Variants in SEMA3A observed in about 807,000 individuals in gnomAD.
SEMA3A encodes semaphorin-3A.
SEMA3A carries 29 observed loss-of-function variants against 97.9 expected under a neutral mutation model. That is an observed-to-expected ratio of 0.30 (90% CI 0.22 to 0.40). The LOEUF (loss-of-function observed/expected upper bound fraction) is 0.40. Ranked by LOEUF, SEMA3A falls within the 10% of genes least tolerant of loss-of-function variation. The pLI, the probability that SEMA3A is intolerant of heterozygous loss-of-function variation, is 1.00. For synonymous variants in SEMA3A, 321 were observed against 323.7 expected (o/e 0.99, Z 0.09); for missense variants, 763 against 951.3 (o/e 0.80, Z 2.60).
At chr7:84,194,349 A>G in intron 1 of SEMA3A, 126 bp downstream of exon 1, 1 of 652,934 alleles carries the variant, frequency 1.5e-6, no homozygotes, top group Admixed American at 2.6e-5. Flanking sequence ...AAAGATACAC[A>G]TAATCACGTC....
intron 3 of SEMA3A, among the ~76,000 whole-genome samples, chr7:84,229,668 A>C (rs974358815): frequency 1.2e-4 from 19 of 152,186 alleles, no homozygotes; most frequent in African/African-American, 4.6e-4. Flanking sequence ...CAAAATAATA[A>C]AATTTAATTT....
intron 1 of SEMA3A, among the ~76,000 whole-genome samples, chr7:84,172,114 C>T (rs978913689): frequency 3.3e-5 from 5 of 152,172 alleles, no homozygotes; most frequent in East Asian, 3.9e-4. Flanking sequence ...TGTTTTTAGT[C>T]ATTAGTATTA....
At chr7:84,004,047 G>GTAGTT (rs1208138830) in intron 11 of SEMA3A, among the ~76,000 whole-genome samples, 2 of 145,398 alleles carry the variant, frequency 1.4e-5, no homozygotes, top group Admixed American at 1.4e-4. Flanking sequence ...CCATTCTCCT[G>GTAGTT]TAGTTAATGC....
chr7:84,060,667 G>T, intron 4 of SEMA3A, 109 bp from the exon 5 acceptor site: 1 of 646,238 alleles, frequency 1.5e-6, no homozygotes, highest in Non-Finnish European at 2.4e-6. Context: ...TCCAACACAA[G>T]AGTTATTTTT....
rs142841577 is a variant in SEMA3A at position 84,128,727 on chromosome 7, G to C, written c.333+396C>G. On this transcript the variant is annotated intron_variant, in intron 3 of 16. Transcript: ENST00000265362. ...ATAAATTACTTATGTAATTACTGCA[G>C]GTCGAGCATCCCTAATTCAAAATCC... Among the ~76,000 whole-genome samples, 920 of 152,152 alleles carry C rather than the reference G, an allele frequency of 6.0e-3. 7 individuals carry two copies. The highest frequency in any genetic ancestry group is 0.027 in the Middle Eastern group (8 of 294).
chr7:84,133,512 C>T (rs191917387), intron 2 of SEMA3A, among the ~76,000 whole-genome samples: 269 of 152,118 alleles, frequency 1.8e-3, no homozygotes, highest in African/African-American at 6.0e-3. Context: ...TGGGGCATAC[C>T]AGTTCAAAGC....
At chr7:84,362,515 G>A (rs932965491) in intron 2 of SEMA3A, among the ~76,000 whole-genome samples, 1 of 151,910 alleles carries the variant, frequency 6.6e-6, no homozygotes, top group African/African-American at 2.4e-5. Context: ...AATGAATGAC[G>A]GTGAGCAAAG....
chr7:84,348,270 G>A (rs1225196126), intron 2 of SEMA3A, among the ~76,000 whole-genome samples: 1 of 152,108 alleles, frequency 6.6e-6, no homozygotes, highest in African/African-American at 2.4e-5. Context: ...CATTGTTTAA[G>A]TAGAAATAAT....
chr7:84,266,929 A>G (rs1800020859), intron 3 of SEMA3A, among the ~76,000 whole-genome samples: 1 of 152,184 alleles, frequency 6.6e-6, no homozygotes, highest in Non-Finnish European at 1.5e-5. Context: ...AAATTTATGG[A>G]AATCGTTTTA....
intron 3 of SEMA3A, among the ~76,000 whole-genome samples, chr7:84,282,699 A>G (rs1441587631): frequency 6.6e-6 from 1 of 152,044 alleles, no homozygotes; most frequent in Non-Finnish European, 1.5e-5. Context: ...CACCAAAACT[A>G]AACAAAAACT....
chr7:84,355,919 G>A (rs138338902), intron 2 of SEMA3A, among the ~76,000 whole-genome samples: 201 of 148,670 alleles, frequency 1.4e-3, no homozygotes, highest in African/African-American at 4.7e-3. Flanking sequence ...TGATGAGCCC[G>A]TGGCCTTCAT....
At chr7:84,359,611 T>C (rs1158090930) in intron 2 of SEMA3A, among the ~76,000 whole-genome samples, 13 of 152,222 alleles carry the variant, frequency 8.5e-5, no homozygotes, top group Non-Finnish European at 1.5e-4. Flanking sequence ...TTTTTTGTGG[T>C]GTCTCTGCCA....
At chr7:84,401,840 C>A (rs1278373260) in intron 1 of SEMA3A, among the ~76,000 whole-genome samples, 1 of 152,082 alleles carries the variant, frequency 6.6e-6, no homozygotes, top group African/African-American at 2.4e-5. Flanking sequence ...CTTTATCTGT[C>A]ATCATATAAA....
chr7:84,244,549 A>C (rs776562529), intron 3 of SEMA3A, among the ~76,000 whole-genome samples: 1 of 152,100 alleles, frequency 6.6e-6, no homozygotes, highest in Non-Finnish European at 1.5e-5. Flanking sequence ...TACAATTTCC[A>C]GTCTGTGTCT....
intron 1 of SEMA3A, among the ~76,000 whole-genome samples, chr7:84,452,642 T>A (rs1805588279): frequency 6.6e-6 from 1 of 152,120 alleles, no homozygotes; most frequent in South Asian, 2.1e-4. Flanking sequence ...TTTAAAAGAG[T>A]TTAAAAGCCA....
intron 1 of SEMA3A, among the ~76,000 whole-genome samples, chr7:84,382,570 A>G (rs901541891): frequency 1.3e-5 from 2 of 150,914 alleles, no homozygotes; most frequent in East Asian, 2.0e-4. Context: ...AAAGTTGTGT[A>G]TGAATTGGCC....
At chr7:84,042,584 A>G (rs73185480) in intron 6 of SEMA3A, among the ~76,000 whole-genome samples, 7,136 of 152,168 alleles carry the variant, frequency 0.047, 286 homozygotes, top group East Asian at 0.19. Flanking sequence ...AGTGCTTACT[A>G]CATACCAAGA....
At chr7:84,395,067 G>A (rs1803687879) in intron 1 of SEMA3A, among the ~76,000 whole-genome samples, 1 of 152,046 alleles carries the variant, frequency 6.6e-6, no homozygotes. Flanking sequence ...GGTCTATAAA[G>A]CTGAGTTTCC....
At chr7:84,127,844 G>A (rs985922200) in intron 3 of SEMA3A, among the ~76,000 whole-genome samples, 2 of 150,844 alleles carry the variant, frequency 1.3e-5, no homozygotes, top group South Asian at 4.2e-4. Context: ...TTTGATTTAT[G>A]CCTTTAGGCA....
Sources: gnomAD v4.1 joint callset for allele counts (sites outside exome capture counted in the v4.1 genomes callset) on GRCh38, gnomAD v4.1.1 for gene constraint, MANE v1.5 for transcripts, NCBI Gene and HGNC (gene_info 2026-07-23, HGNC 2026-07-21) for gene names.